Variants in VPS37A observed in about 807,000 individuals in gnomAD.
The protein encoded by VPS37A is VPS37A subunit of ESCRT-I.
Under a neutral mutation model 49.8 loss-of-function variants are expected in VPS37A, and 30 were observed. The ratio of observed to expected loss-of-function variants is 0.60; its 90% CI spans 0.45 to 0.82. The LOEUF (loss-of-function observed/expected upper bound fraction) is 0.82, where lower values mean the gene tolerates loss of function less well. VPS37A is among the 40% of genes least tolerant of loss of function. VPS37A has a pLI of 0.00. For missense variants in VPS37A, 593 were observed against 464.4 expected (o/e 1.28, Z -2.55); for synonymous variants, 195 against 160.6 (o/e 1.21, Z -1.62).
chr8:17,327,353 C>T, the VPS37A span, among the ~76,000 whole-genome samples: 1 of 152,192 alleles, frequency 6.6e-6, no homozygotes, highest in Admixed American at 6.5e-5. Flanking sequence ...TTACTGCAGC[C>T]TCAACCTCCC....
Position 17,265,960 on chromosome 8 carries a change from A to G in VPS37A, c.179A>G (p.Asn60Ser), listed in dbSNP as rs747426670. The G allele has an allele frequency of 4.3e-6, 7 of 1,613,012 alleles. No individual in the cohort carries two copies. The South Asian group carries it at 6.6e-5, about 15-fold the overall frequency. ...TACAGATTGCCATTCACCATAAACA[A>G]CCTGACAATTAACATTAATATGTGA... ...VEYRLPFTIN[N>S]LTININILLP... Residue 60 changes from asparagine to serine, a missense_variant, in exon 2 of 12, where the codon AAC (asparagine) becomes AGC (serine). Physicochemically the swap from Asn to Ser is conservative, Grantham distance 46. Coordinates refer to ENST00000324849, the MANE Select transcript of VPS37A (RefSeq NM_152415.3).
rs557625949 is a variant in VPS37A at position 17,289,481 on chromosome 8, GTCAGGTTTGTCAAAGA to G, written c.*3059_*3074del. On this transcript the variant is annotated intron_variant, in intron 11 of 11. Transcript: ENST00000324849. ...AGGGAATCCTTCCCCCATTGCTTTT[GTCAGGTTTGTCAAAGA>G]TCAGATGGTTGTAGATGTGTGGTGT... Among the ~76,000 whole-genome samples, 328 of 151,788 alleles carry G rather than the reference GTCAGGTTTGTCAAAGA, an allele frequency of 2.2e-3. 1 individual carries two copies. Among genetic ancestry groups the G allele is most frequent in the African/African-American group, 7.6e-3 (314 of 41,448 alleles).
intron 10 of VPS37A, 30 bp from the exon 11 acceptor site, chr8:17,286,317 G>A (rs892400606): frequency 6.3e-7 from 1 of 1,584,366 alleles, no homozygotes; most frequent in Admixed American, 1.7e-5. Context: ...TTGTAAAAGT[G>A]ACTGGTATTT....
At chr8:17,271,352 TC>T (rs1260400466) in intron 4 of VPS37A, among the ~76,000 whole-genome samples, 2 of 152,190 alleles carry the variant, frequency 1.3e-5, no homozygotes. Context: ...ACGCCTGTAA[TC>T]CCAGCACTTT....
At position 17,269,012 on chromosome 8, in the gene VPS37A, A is replaced by G. The variant is rs1813731919; in HGVS notation, c.416+56A>G. 4 of 1,228,560 alleles carry G rather than the reference A, an allele frequency of 3.3e-6. No homozygotes were observed. The South Asian group carries it at 5.6e-5, about 17-fold the overall frequency. The allele number at this position is 1,228,560 out of a possible 1,614,324, so 76.1% of individuals were successfully genotyped here. A position where few individuals can be genotyped will look rare whatever the true frequency, so the allele number is the denominator to read the frequency against. On this transcript the variant is annotated intron_variant, in intron 4 of 11. Coordinates refer to ENST00000324849, the MANE Select transcript of VPS37A (RefSeq NM_152415.3). ...TGCCTGTATTTTAATGTATTAATCA[A>G]AATATAGTTTAAAAATTCAAATGAT...
downstream of VPS37A, chr8:17,304,621 A>T: frequency 8.0e-7 from 1 of 1,253,290 alleles, no homozygotes; most frequent in South Asian, 1.4e-5. Context: ...TGTTACCTGA[A>T]AACCACGTGT....
intron 6 of VPS37A, among the ~76,000 whole-genome samples, chr8:17,276,821 C>G (rs549916343): frequency 3.7e-4 from 56 of 152,124 alleles, no homozygotes; most frequent in African/African-American, 1.1e-3. Flanking sequence ...CCATTGTTCC[C>G]TTAGTAGATA....
intron 11 of VPS37A, among the ~76,000 whole-genome samples, chr8:17,289,202 G>C (rs1389399609): frequency 6.6e-6 from 1 of 152,046 alleles, no homozygotes; most frequent in African/African-American, 2.4e-5. Flanking sequence ...AAGGTCTTTA[G>C]TTTTATTAGA....
At chr8:17,305,675 A>G, downstream of VPS37A, 17 of 1,300,944 alleles carry the variant, frequency 1.3e-5, no homozygotes, top group Non-Finnish European at 1.8e-5. Flanking sequence ...AAAGTCTTCA[A>G]AATTATGAAA....
chr8:17,290,104 G>C (rs1228607054), intron 11 of VPS37A, among the ~76,000 whole-genome samples: 1 of 152,232 alleles, frequency 6.6e-6, no homozygotes, highest in Admixed American at 6.5e-5. Context: ...TTTGGGCTGA[G>C]ACAGTGGGGT....
intron 1 of VPS37A, among the ~76,000 whole-genome samples, chr8:17,251,661 T>C (rs1173947315): frequency 6.6e-6 from 1 of 152,230 alleles, no homozygotes; most frequent in East Asian, 1.9e-4. Flanking sequence ...AAATTAGGCA[T>C]GATGCAGGTA....
At chr8:17,247,942 T>C (rs909297315) in intron 1 of VPS37A, 62 of 597,984 alleles carry the variant, frequency 1.0e-4, no homozygotes, top group African/African-American at 1.0e-3. Context: ...GACCAGTGCA[T>C]GTACATTTCT....
chr8:17,275,822 A>C (rs2150393280), intron 5 of VPS37A, among the ~76,000 whole-genome samples: 1 of 152,322 alleles, frequency 6.6e-6, no homozygotes, highest in South Asian at 2.1e-4. Flanking sequence ...ATCATTTAGA[A>C]GATACAGACC....
the VPS37A span, among the ~76,000 whole-genome samples, chr8:17,310,830 C>T: frequency 1.3e-5 from 2 of 152,164 alleles, 1 homozygote; most frequent in East Asian, 3.9e-4. Flanking sequence ...GAAGCACTGT[C>T]TACCAAATCA....
chr8:17,331,244 A>C, the VPS37A span: 1 of 1,611,908 alleles, frequency 6.2e-7, no homozygotes, highest in East Asian at 2.2e-5. Flanking sequence ...CTTCATTCTC[A>C]TAGCCTTTCC....
At chr8:17,302,023 G>C (rs1405195169), downstream of VPS37A, 52 of 1,175,578 alleles carry the variant, frequency 4.4e-5, no homozygotes, top group Non-Finnish European at 6.2e-5. Context: ...GGATGGGGTT[G>C]TGTTTCAGGT....
In VPS37A at chr8:17,276,486, G is replaced by A. The variant is rs1217882769; in HGVS notation, c.713+19G>A. On this transcript the variant is annotated intron_variant, in intron 6 of 11. Transcript: ENST00000324849. ...AACTAAGGTAAACCTGGAAAGTAAA[G>A]TTGGTCACATTGTCTATTTTATTTG... is the stretch of plus-strand genomic sequence containing the variant. 2.5e-6 allele frequency: 4 copies of A among 1,600,218 alleles called. No individual in the cohort carries two copies. In the South Asian group the frequency reaches 4.5e-5, roughly 18 times the overall value.
intron 4 of VPS37A, 21 bp downstream of exon 4, chr8:17,268,977 TA>T: frequency 6.6e-7 from 1 of 1,503,884 alleles, no homozygotes. Flanking sequence ...TTCTAGTAAA[TA>T]AAAAAGTCTG....
chr8:17,313,388 T>C, the VPS37A span: 1 of 1,610,650 alleles, frequency 6.2e-7, no homozygotes. Context: ...TGGAGGGAGA[T>C]TTAAGTTCAC....
Sources: gnomAD v4.1 joint callset for allele counts (sites outside exome capture counted in the v4.1 genomes callset) on GRCh38, gnomAD v4.1.1 for gene constraint, MANE v1.5 for transcripts, NCBI Gene and HGNC (gene_info 2026-07-23, HGNC 2026-07-21) for gene names.